The following CDH13 variants were observed in gnomAD, a reference collection of about 807,000 sequenced individuals.
CDH13 encodes cadherin-13.
Under a neutral mutation model 63.8 loss-of-function variants are expected in CDH13, and 24 were observed. That is an observed-to-expected ratio of 0.38 (90% CI 0.27 to 0.53). The LOEUF is 0.53. CDH13 is among the 20% of genes least tolerant of loss of function. The pLI is 0.85. For missense variants in CDH13, 1,049 were observed against 903.1 expected, an observed-to-expected ratio of 1.16 and a Z score of -2.07; for synonymous variants, 503 against 355.3, an observed-to-expected ratio of 1.42 and a Z score of -4.67.
rs373907101 is a variant in CDH13 at position 83,071,909 on chromosome 16, C to T, written c.366+39691C>T. Among the ~76,000 whole-genome samples the T allele has an allele frequency of 2.1e-4, 32 of 152,176 alleles. 1 individual carries two copies. In the East Asian group the frequency reaches 5.6e-3, roughly 27 times the overall value. ...AATACACAGAATTGATTCTATGCTC[C>T]ATCATCTATGTGGTCATCTAATCAT... On this transcript the variant is annotated intron_variant, in intron 3 of 13. Coordinates refer to ENST00000567109, the MANE Select transcript of CDH13 (RefSeq NM_001257.5).
chr16:82,792,081 G>A (rs1253778278), intron 1 of CDH13, among the ~76,000 whole-genome samples: 1 of 152,164 alleles, frequency 6.6e-6, no homozygotes, highest in Non-Finnish European at 1.5e-5. Context: ...GGACGGATCT[G>A]TGACTGGCTT....
At chr16:83,694,820 A>C in intron 10 of CDH13, among the ~76,000 whole-genome samples, 1 of 152,234 alleles carries the variant, frequency 6.6e-6, no homozygotes, top group Non-Finnish European at 1.5e-5. Flanking sequence ...GAGTCAAGCC[A>C]GGCCCTCATC....
At chr16:82,806,890 G>T (rs549402758) in intron 1 of CDH13, among the ~76,000 whole-genome samples, 1 of 152,264 alleles carries the variant, frequency 6.6e-6, no homozygotes, top group South Asian at 2.1e-4. Flanking sequence ...AATTTGCAAA[G>T]AATAATATGC....
chr16:83,171,626 T>TGA, intron 4 of CDH13: 1 of 1,395,202 alleles, frequency 7.2e-7, no homozygotes, highest in Non-Finnish European at 9.8e-7. Flanking sequence ...CTTGTTTGTG[T>TGA]CTCCAATTTC....
chr16:82,796,705 A>T (rs530696301), intron 1 of CDH13, among the ~76,000 whole-genome samples: 11 of 152,358 alleles, frequency 7.2e-5, no homozygotes, highest in African/African-American at 2.6e-4. Context: ...GCCACCCAAG[A>T]TGGATTCTTG....
Position 82,916,297 on chromosome 16 carries a change from C to T in CDH13, c.157+57824C>T, listed in dbSNP as rs547354173. Reference sequence around the variant, plus strand: ...ATTCAAATAAAAGGAAGACCCTGGCCGGGTGCCGTAGCTCACGCCTGTAAT... The same window carrying T: ...ATTCAAATAAAAGGAAGACCCTGGCTGGGTGCCGTAGCTCACGCCTGTAAT... On this transcript the variant is annotated intron_variant, in intron 2 of 13. Coordinates refer to ENST00000567109, the MANE Select transcript of CDH13 (RefSeq NM_001257.5). Among the ~76,000 whole-genome samples the T allele has an allele frequency of 1.4e-4, 22 of 152,194 alleles. No individual in the cohort carries two copies. In the East Asian group the frequency reaches 2.1e-3, roughly 15 times the overall value.
At chr16:83,408,664 A>G (rs1355820049) in intron 6 of CDH13, among the ~76,000 whole-genome samples, 2 of 152,246 alleles carry the variant, frequency 1.3e-5, no homozygotes, top group Non-Finnish European at 2.9e-5. Context: ...TTATCCAGCA[A>G]TGACTGTACT....
At chr16:82,804,740 C>G (rs541648381) in intron 1 of CDH13, among the ~76,000 whole-genome samples, 1 of 152,208 alleles carries the variant, frequency 6.6e-6, no homozygotes, top group East Asian at 1.9e-4. Context: ...ACACTTTCCC[C>G]AAATAGGTAT....
intron 8 of CDH13, among the ~76,000 whole-genome samples, chr16:83,655,484 CAA>C (rs1912789091): frequency 6.6e-6 from 1 of 152,164 alleles, no homozygotes; most frequent in Non-Finnish European, 1.5e-5. Context: ...TACATGAAGA[CAA>C]GAGTCTGTCA....
At chr16:83,527,622 A>G (rs963257565) in intron 7 of CDH13, among the ~76,000 whole-genome samples, 1 of 152,144 alleles carries the variant, frequency 6.6e-6, no homozygotes, top group Non-Finnish European at 1.5e-5. Context: ...GGGCAACCTG[A>G]GTCTGCTTTT....
chr16:83,117,238 G>C (rs1192463783), intron 3 of CDH13, among the ~76,000 whole-genome samples: 3 of 152,192 alleles, frequency 2.0e-5, no homozygotes, highest in Non-Finnish European at 4.4e-5. Flanking sequence ...TCCAGGGTCT[G>C]ACTTCCCTTC....
At chr16:83,506,607 C>T (rs1432913792) in intron 7 of CDH13, among the ~76,000 whole-genome samples, 1 of 152,220 alleles carries the variant, frequency 6.6e-6, no homozygotes, top group Non-Finnish European at 1.5e-5. Flanking sequence ...TGATTCTCAC[C>T]TCATGGTACC....
At chr16:82,954,834 C>G (rs540064626) in intron 2 of CDH13, 1 of 151,516 alleles carries the variant, frequency 6.6e-6, no homozygotes, top group South Asian at 2.1e-4. Context: ...AAATCTCATT[C>G]TGTCTCTGTT....
intron 3 of CDH13, among the ~76,000 whole-genome samples, chr16:83,049,970 A>T (rs183892025): frequency 6.6e-6 from 1 of 152,238 alleles, no homozygotes; most frequent in African/African-American, 2.4e-5. Context: ...TGCTACAAAA[A>T]TAGTAATTGT....
rs7194373 is a variant in CDH13, at chr16:82,639,485, T to G, written c.45+12348T>G. 8,294 of 1,476,718 alleles carry G rather than the reference T, an allele frequency of 5.6e-3. 377 individuals carry two copies. The African/African-American group carries it at 0.097, about 17-fold the overall frequency. 91.5% of individuals were successfully genotyped at this position (1,476,718 alleles called of 1,614,324 possible). On this transcript the variant is annotated intron_variant, in intron 1 of 13. Coordinates refer to ENST00000567109, the MANE Select transcript of CDH13 (RefSeq NM_001257.5). ...ATGCAGGTAAATTTGCCTGCTGCTG[T>G]GTCGTGTGGCTGGATGGAATTCTTC...
intron 6 of CDH13, among the ~76,000 whole-genome samples, chr16:83,355,051 T>G (rs2091026177): frequency 6.6e-6 from 1 of 152,176 alleles, no homozygotes; most frequent in African/African-American, 2.4e-5. Context: ...TGATTACATT[T>G]TAAACTTAGT....
intron 8 of CDH13, among the ~76,000 whole-genome samples, chr16:83,634,267 A>G (rs1911060803): frequency 6.6e-6 from 1 of 152,118 alleles, no homozygotes; most frequent in East Asian, 1.9e-4. Context: ...GCTACTCCTT[A>G]TTAGTTGTAT....
intron 1 of CDH13, among the ~76,000 whole-genome samples, chr16:82,698,533 G>A (rs999337859): frequency 6.6e-6 from 1 of 152,196 alleles, no homozygotes; most frequent in Non-Finnish European, 1.5e-5. Flanking sequence ...ATTTGAGGTG[G>A]GCTTTGCTCC....
At chr16:83,443,580 A>G (rs372608466) in intron 6 of CDH13, among the ~76,000 whole-genome samples, 1 of 151,828 alleles carries the variant, frequency 6.6e-6, no homozygotes, top group Non-Finnish European at 1.5e-5. Flanking sequence ...TCCTAAAGGA[A>G]TCAGTGTCAG....
Sources: gnomAD v4.1 joint callset for allele counts (sites outside exome capture counted in the v4.1 genomes callset) on GRCh38, gnomAD v4.1.1 for gene constraint, MANE v1.5 for transcripts, NCBI Gene and HGNC (gene_info 2026-07-23, HGNC 2026-07-21) for gene names.